CAST: variants seen among roughly 807,000 people sequenced by gnomAD.
The protein encoded by CAST is MIR583 host.
A neutral mutation model predicts 119.6 loss-of-function variants in CAST; 76 were observed. The ratio of observed to expected loss-of-function variants is 0.64; its 90% CI spans 0.53 to 0.77. CAST has a LOEUF of 0.77. CAST is among the 30% of genes least tolerant of loss of function. The pLI is 0.00. For missense variants in CAST, 953 were observed against 946.5 expected (o/e 1.01, Z -0.09); for synonymous variants, 319 against 331.6 (o/e 0.96, Z 0.41).
the CAST span, among the ~76,000 whole-genome samples, chr5:96,283,751 AG>A: frequency 6.6e-6 from 1 of 152,222 alleles, no homozygotes; most frequent in Admixed American, 6.5e-5. Flanking sequence ...CCTTATACCA[AG>A]GAAGTATTAA....
the CAST span, among the ~76,000 whole-genome samples, chr5:96,425,003 G>GAAAGA: frequency 2.8e-5 from 3 of 106,466 alleles, no homozygotes; most frequent in African/African-American, 8.4e-5. Flanking sequence ...GAAAGAGAAA[G>GAAAGA]AAAGAAAAGA....
At chr5:96,609,574 T>A (rs1747322890) in intron 1 of CAST, among the ~76,000 whole-genome samples, 2 of 152,226 alleles carry the variant, frequency 1.3e-5, no homozygotes, top group Admixed American at 6.5e-5. Flanking sequence ...GCTCATGTCC[T>A]GGAATATGTG....
rs1336849475 is a variant in CAST at position 96,544,026 on chromosome 5, A to G, written c.60+14146A>G. ...AGTCCTCCACCTTGCTTCTTCTTCA[A>G]TGTTGTGTTGGCTATTCTGGGTCTT... is the stretch of plus-strand genomic sequence containing the variant. On this transcript the variant is annotated intron_variant, in intron 1 of 11. Coordinates refer to the CAST transcript ENST00000505143. 3.3e-5 allele frequency among the ~76,000 whole-genome samples: 5 copies of G among 152,164 alleles called. No individual in the cohort carries two copies. In the East Asian group the frequency reaches 9.6e-4, roughly 29 times the overall value.
intron 1 of CAST, among the ~76,000 whole-genome samples, chr5:96,592,704 TC>T (rs1194460632): frequency 6.6e-6 from 1 of 152,134 alleles, no homozygotes; most frequent in African/African-American, 2.4e-5. Context: ...CCAATGACAC[TC>T]GTAGCTTCCT....
intron 1 of CAST, among the ~76,000 whole-genome samples, chr5:96,612,481 G>A (rs2150196529): frequency 6.6e-6 from 1 of 152,250 alleles, no homozygotes; most frequent in Middle Eastern, 3.4e-3. Flanking sequence ...TGGGTACTAT[G>A]TTCACTCTCT....
At chr5:96,551,694 C>T (rs945797325) in intron 1 of CAST, among the ~76,000 whole-genome samples, 3 of 151,886 alleles carry the variant, frequency 2.0e-5, no homozygotes, top group South Asian at 2.1e-4. Context: ...CAAAGACACA[C>T]ACAGGCTCAA....
At chr5:96,357,338 G>C in the CAST span, among the ~76,000 whole-genome samples, 1 of 152,086 alleles carries the variant, frequency 6.6e-6, no homozygotes, top group African/African-American at 2.4e-5. Context: ...TCTCTTGCCC[G>C]ATTGCCCTGG....
At chr5:96,366,765 G>C in the CAST span, among the ~76,000 whole-genome samples, 9 of 152,236 alleles carry the variant, frequency 5.9e-5, no homozygotes, top group African/African-American at 2.2e-4. Context: ...TCTTTACGAT[G>C]GGTTCAAACT....
At chr5:96,467,633 C>T in the CAST span, among the ~76,000 whole-genome samples, 1 of 151,992 alleles carries the variant, frequency 6.6e-6, no homozygotes, top group East Asian at 1.9e-4. Flanking sequence ...GTCTGAACCT[C>T]CATGTCCTCC....
chr5:96,402,649 GAGTA>G, the CAST span, among the ~76,000 whole-genome samples: 6,181 of 152,204 alleles, frequency 0.041, 347 homozygotes, highest in African/African-American at 0.13. Flanking sequence ...GGAACAGGGC[GAGTA>G]AGTGTTTTCT....
the CAST span, among the ~76,000 whole-genome samples, chr5:96,106,668 G>T: frequency 4.0e-5 from 6 of 151,064 alleles, no homozygotes; most frequent in Non-Finnish European, 7.4e-5. Flanking sequence ...TGGAATAGGT[G>T]TGGTCTGGTG....
At chr5:96,642,105 A>G (rs1365316588) in intron 1 of CAST, among the ~76,000 whole-genome samples, 1 of 152,214 alleles carries the variant, frequency 6.6e-6, no homozygotes, top group Non-Finnish European at 1.5e-5. Flanking sequence ...TGAAACTTCT[A>G]TAAGCTCTCC....
At chr5:96,263,694 C>T in the CAST span, among the ~76,000 whole-genome samples, 1 of 152,090 alleles carries the variant, frequency 6.6e-6, no homozygotes, top group South Asian at 2.1e-4. Context: ...TCCATTTTTA[C>T]ACTGCTATAA....
At chr5:96,760,845 A>G (rs1257859936) in intron 24 of CAST, 1 of 151,932 alleles carries the variant, frequency 6.6e-6, no homozygotes, top group Non-Finnish European at 1.5e-5. Flanking sequence ...AAATAGCAAT[A>G]AGATACTTTT....
chr5:96,652,942 T>C (rs771867781), intron 1 of CAST, among the ~76,000 whole-genome samples: 13 of 152,280 alleles, frequency 8.5e-5, no homozygotes, highest in Non-Finnish European at 1.3e-4. Context: ...CCACACCCTC[T>C]TACCCACCTG....
chr5:96,322,705 C>CT, the CAST span, among the ~76,000 whole-genome samples: 4 of 152,116 alleles, frequency 2.6e-5, no homozygotes, highest in Admixed American at 6.5e-5. Context: ...CCATTGTTTG[C>CT]TTTTTTGTTT....
the CAST span, among the ~76,000 whole-genome samples, chr5:96,086,400 G>A: frequency 6.6e-6 from 1 of 152,126 alleles, no homozygotes; most frequent in Non-Finnish European, 1.5e-5. Context: ...CTTATAATAA[G>A]AGTATGTTTT....
chr5:96,489,926 TG>T, the CAST span, among the ~76,000 whole-genome samples: 2 of 152,232 alleles, frequency 1.3e-5, no homozygotes, highest in Non-Finnish European at 2.9e-5. Context: ...GTTTTTGAGA[TG>T]GACTTCATCC....
chr5:96,383,155 T>C, the CAST span, among the ~76,000 whole-genome samples: 4 of 152,146 alleles, frequency 2.6e-5, no homozygotes, highest in Admixed American at 2.0e-4. Flanking sequence ...AGGTTCTGAC[T>C]TAGGCTGCTA....
Sources: gnomAD v4.1 joint callset for allele counts (sites outside exome capture counted in the v4.1 genomes callset) on GRCh38, gnomAD v4.1.1 for gene constraint, MANE v1.5 for transcripts, NCBI Gene and HGNC (gene_info 2026-07-23, HGNC 2026-07-21) for gene names.